The following RSRP1 variants were observed in gnomAD, a reference collection of about 807,000 sequenced individuals.
RSRP1 encodes the protein arginine and serine rich protein 1.
RSRP1 carries 37 observed loss-of-function variants against 33.0 expected under a neutral mutation model. The observed-to-expected ratio is 1.12, with a 90% CI of 0.86 to 1.48. The LOEUF (loss-of-function observed/expected upper bound fraction) is 1.48, where lower values mean the gene tolerates loss of function less well. RSRP1 is among the 40% of genes most tolerant of loss of function. The pLI, the probability that RSRP1 is intolerant of heterozygous loss-of-function variation, is 0.00. For synonymous variants in RSRP1, 167 were observed against 158.7 expected (o/e 1.05, Z -0.40); for missense variants, 402 against 385.3 (o/e 1.04, Z -0.36).
intron 1 of RSRP1, among the ~76,000 whole-genome samples, chr1:25,314,494 C>T (rs1644330212): frequency 7.6e-6 from 1 of 131,942 alleles, no homozygotes; most frequent in African/African-American, 2.6e-5. Flanking sequence ...TTACCTTTTT[C>T]CTTCTTTCTT....
At chr1:25,305,989 C>T (rs147794555) in intron 1 of RSRP1, among the ~76,000 whole-genome samples, 1,809 of 132,014 alleles carry the variant, frequency 0.014, 295 homozygotes, top group African/African-American at 0.042. Flanking sequence ...TGCTGGCTCA[C>T]GGCTGTGTGG....
intron 1 of RSRP1, among the ~76,000 whole-genome samples, chr1:25,254,342 C>T (rs1173912199): frequency 6.6e-6 from 1 of 152,206 alleles, no homozygotes; most frequent in Non-Finnish European, 1.5e-5. Flanking sequence ...GCCATGAATA[C>T]CTAGTATGTG....
chr1:25,250,389 CT>C (rs1557493220), upstream of RSRP1, among the ~76,000 whole-genome samples: 1 of 152,152 alleles, frequency 6.6e-6, no homozygotes, highest in South Asian at 2.1e-4. Context: ...AAAATGGAGT[CT>C]GTCCGGCTCT....
chr1:25,309,139 C>T (rs1473477580), intron 1 of RSRP1, among the ~76,000 whole-genome samples: 2 of 131,844 alleles, frequency 1.5e-5, no homozygotes, highest in East Asian at 2.0e-4. Context: ...ATTCCACAAA[C>T]AATATTTCCC....
intron 3 of RSRP1, 175 bp from the exon 4 acceptor site, chr1:25,243,808 A>AT: frequency 7.4e-7 from 1 of 1,359,662 alleles, no homozygotes; most frequent in Non-Finnish European, 9.5e-7. Flanking sequence ...AACTGATTTA[A>AT]TATTAGGCTT....
chr1:25,299,167 A>C (rs1643186357), intron 1 of RSRP1, among the ~76,000 whole-genome samples: 1 of 125,762 alleles, frequency 8.0e-6, no homozygotes, highest in Non-Finnish European at 1.8e-5. Flanking sequence ...GGATCACTTG[A>C]GGTCAGGAGT....
rs1182530139 is a variant in RSRP1, at chr1:25,299,315, G to A, written c.-67+38663C>T. On this transcript the variant is annotated intron_variant, in intron 1 of 1. Transcript: ENST00000561867. Reference sequence around the variant, plus strand: ...GAGAATCGCTTGAACCCAACGGGTGGAGGTTGCAGTGAGCCAAGATGGCAC... The same window carrying A: ...GAGAATCGCTTGAACCCAACGGGTGAAGGTTGCAGTGAGCCAAGATGGCAC... Among the ~76,000 whole-genome samples the A allele has an allele frequency of 9.9e-5, 13 of 130,872 alleles. 2 individuals carry two copies. Among genetic ancestry groups the A allele is most frequent in the South Asian group, 2.3e-4 (1 of 4,324 alleles). The allele number at this position is 130,872 out of a possible 152,430, so 85.9% of individuals were successfully genotyped here. A position where few individuals can be genotyped will look rare whatever the true frequency, so the allele number is the denominator to read the frequency against.
At chr1:25,329,237 G>GGT in intron 1 of RSRP1, 2 of 232,392 alleles carry the variant, frequency 8.6e-6, no homozygotes, top group South Asian at 6.1e-5. Flanking sequence ...ATTATTCCTT[G>GGT]TTTTTTTTTT....
rs1180115391 is a variant in RSRP1, at chr1:25,271,570, C to A, written c.-66-24541G>T. On this transcript the variant is annotated intron_variant, in intron 1 of 1. Transcript: ENST00000561867. The stretch of plus-strand genomic sequence containing the variant: ...TCCTCTTTCATCTCTTCCTCCCTCT[C>A]TACATCCCTCTCTCTCTTCCTTCCT... 9.0e-5 allele frequency among the ~76,000 whole-genome samples: 12 copies of A among 132,758 alleles called. 3 individuals are homozygous for A. The highest frequency in any genetic ancestry group is 1.8e-4 in the Non-Finnish European group (10 of 55,902). 87.1% of individuals were successfully genotyped at this position (132,758 alleles called of 152,430 possible).
At chr1:25,303,528 C>CCA in intron 1 of RSRP1, 1 of 1,318,518 alleles carries the variant, frequency 7.6e-7, no homozygotes. Context: ...ACCTGATGGG[C>CCA]CACTGTGCAG....
At chr1:25,268,688 C>T (rs1640401027) in intron 1 of RSRP1, among the ~76,000 whole-genome samples, 1 of 130,254 alleles carries the variant, frequency 7.7e-6, no homozygotes. Context: ...TGGTTCACAC[C>T]TATAATCCCA....
At chr1:25,244,964 TAAAG>T in intron 3 of RSRP1, 182 bp downstream of exon 3, 21 of 1,463,340 alleles carry the variant, frequency 1.4e-5, no homozygotes, top group Non-Finnish European at 1.9e-5. Context: ...CACGGCCAAA[TAAAG>T]CTCATTAATC....
Position 25,315,441 on chromosome 1 carries a change from C to A in RSRP1, c.-67+22537G>T. ...TAGTTGTTGACATCTGCACTCCCTA[C>A]ATGAGCAGCAGGGTGGCAACTCTTT... On this transcript the variant is annotated intron_variant, in intron 1 of 1. Transcript: ENST00000561867. Among the ~76,000 whole-genome samples, 2 of 128,352 alleles carry A rather than the reference C, an allele frequency of 1.6e-5. 1 individual carries two copies. The highest frequency in any genetic ancestry group is 3.7e-5 in the Non-Finnish European group (2 of 54,748). 84.2% of individuals were successfully genotyped at this position (128,352 alleles called of 152,430 possible). A position where few individuals can be genotyped will look rare whatever the true frequency, so the allele number is the denominator to read the frequency against.
intron 1 of RSRP1, among the ~76,000 whole-genome samples, chr1:25,280,996 C>A (rs1641448184): frequency 7.6e-6 from 1 of 131,832 alleles, no homozygotes; most frequent in Admixed American, 7.4e-5. Flanking sequence ...CCACTAACTT[C>A]TTTGGAATAT....
intron 1 of RSRP1, among the ~76,000 whole-genome samples, chr1:25,276,861 T>C (rs1641044859): frequency 7.6e-6 from 1 of 132,308 alleles, no homozygotes; most frequent in African/African-American, 2.6e-5. Context: ...GGTCTGGAGA[T>C]GGAGACCATC....
In RSRP1 at chr1:25,294,327, C is replaced by T. The variant is rs569897769; in HGVS notation, c.-67+43651G>A. The T allele has an allele frequency of 7.2e-5, 83 of 1,150,970 alleles. 16 individuals are homozygous for T. In the South Asian group the frequency reaches 7.9e-4, roughly 11 times the overall value. 71.3% of individuals were successfully genotyped at this position (1,150,970 alleles called of 1,614,324 possible). On this transcript the variant is annotated intron_variant, in intron 1 of 1. Transcript: ENST00000561867. ...ATAATCAGTAACAACTTGTCCAAGG[C>T]CCCAGTGACCATGAAGAGTGAGGGC... is the stretch of plus-strand genomic sequence containing the variant.
chr1:25,301,234 G>C, intron 1 of RSRP1: 1 of 925,978 alleles, frequency 1.1e-6, no homozygotes, highest in East Asian at 2.3e-5. Context: ...ATTTCTTTGA[G>C]TAGTGTTTGC....
chr1:25,287,914 G>A (rs1410067917), intron 1 of RSRP1, among the ~76,000 whole-genome samples: 1 of 131,198 alleles, frequency 7.6e-6, no homozygotes, highest in African/African-American at 2.6e-5. Flanking sequence ...GTAGACAAGG[G>A]GTTTCACCAG....
intron 1 of RSRP1, among the ~76,000 whole-genome samples, chr1:25,284,359 C>T (rs559311999): frequency 2.2e-5 from 3 of 135,906 alleles, no homozygotes; most frequent in African/African-American, 7.6e-5. Flanking sequence ...TTTAGCTCCT[C>T]TAATCCTTAT....
Sources: gnomAD v4.1 joint callset for allele counts (sites outside exome capture counted in the v4.1 genomes callset) on GRCh38, gnomAD v4.1.1 for gene constraint, MANE v1.5 for transcripts, NCBI Gene and HGNC (gene_info 2026-07-23, HGNC 2026-07-21) for gene names.